Variants in ATG9A observed in about 807,000 individuals in gnomAD.
ATG9A encodes the protein autophagy related 9A.
Under a neutral mutation model 87.1 loss-of-function variants are expected in ATG9A, and 21 were observed. That is an observed-to-expected ratio of 0.24 (90% CI 0.17 to 0.35). The LOEUF is 0.35. Ranked by LOEUF, ATG9A falls within the 10% of genes least tolerant of loss-of-function variation. ATG9A has a pLI of 1.00. For missense variants in ATG9A, 836 were observed against 1,107.3 expected (o/e 0.76, Z 3.48); for synonymous variants, 422 against 441.3 (o/e 0.96, Z 0.55).
In ATG9A at chr2:219,225,120, C is replaced by T. The variant is rs1950835459; in HGVS notation, c.467G>A (p.Cys156Tyr). The part of the protein sequence containing the change: ...RLIKFIYNIC[C>Y]YWEIHSFYLH... ...GTAGAAGGAGTGGATCTCCCAGTAG[C>T]AGCAAATGTTATAGATGAACTTGAT... Residue 156 changes from cysteine to tyrosine, a missense_variant, in exon 7 of 16, where the codon TGC (cysteine) becomes TAC (tyrosine). By Grantham distance (194) the Cys-to-Tyr change is radical. Transcript: ENST00000361242. The T allele has an allele frequency of 1.2e-6, 2 of 1,614,036 alleles. No individual in the cohort carries two copies. Among genetic ancestry groups the T allele is most frequent in the Non-Finnish European group, 1.7e-6 (2 of 1,180,036 alleles).
rs767043955 is a variant in ATG9A at position 219,224,493 on chromosome 2, A to G, written c.878T>C (p.Ile293Thr). ...GCACAGCAGGAAGTTAGCGATGCCA[A>G]TCCACAGGATGCGGTTGCTGAGGCG... is the stretch of plus-strand genomic sequence containing the variant. The part of the protein sequence containing the change: ...AQRLSNRILW[I>T]GIANFLLCPL... Residue 293 changes from isoleucine to threonine, a missense_variant, in exon 8 of 16, where the codon ATT (isoleucine) becomes ACT (threonine). Ile to Thr is a moderately conservative substitution (Grantham distance 89). Coordinates refer to ENST00000361242, the MANE Select transcript of ATG9A (RefSeq NM_001077198.3). The surrounding 1 kb of genome is among the most constrained non-coding windows in gnomAD (Gnocchi z 7.7). 4 of 1,614,114 alleles carry G rather than the reference A, an allele frequency of 2.5e-6. No individual in the cohort carries two copies. Among genetic ancestry groups the G allele is most frequent in the East Asian group, 4.5e-5 (2 of 44,880 alleles).
Position 219,222,617 on chromosome 2 carries a change from C to T in ATG9A, c.1848+28G>A, listed in dbSNP as rs747070610. On this transcript the variant is annotated intron_variant, in intron 11 of 15. Transcript: ENST00000361242. This position sits in a 1 kb window ranked among gnomAD's most constrained non-coding sequence, Gnocchi z 4.3. ...CCCAGCTCCTGAAGTCCACTCTGCC[C>T]ATCATCTCCCAGTCACCAGGAACAC... The T allele has an allele frequency of 1.1e-5, 18 of 1,611,410 alleles. No individual in the cohort carries two copies. The highest frequency in any genetic ancestry group is 1.4e-5 in the Non-Finnish European group (16 of 1,177,804).
In ATG9A at chr2:219,222,024, A is replaced by G; in HGVS notation, c.2145+26T>C. 3 of 1,599,740 alleles carry G rather than the reference A, an allele frequency of 1.9e-6. No homozygotes were observed. The highest frequency in any genetic ancestry group is 2.6e-6 in the Non-Finnish European group (3 of 1,169,972). On this transcript the variant is annotated intron_variant, in intron 13 of 15. Transcript: ENST00000361242. This position sits in a 1 kb window ranked among gnomAD's most constrained non-coding sequence, Gnocchi z 4.3. ...TTGCTTCTCCGCATCTAAACCCTCT[A>G]CTCTCTTTTTTAGCTGTGCACTCAC...
rs372960557 is a variant in ATG9A, at chr2:219,224,123, G to A, written c.1248C>T (p.Val416=). The change falls in exon 8 of 16, where the codon GTC becomes GTT. Residue 416 remains valine, a synonymous_variant. Coordinates refer to ENST00000361242, the MANE Select transcript of ATG9A (RefSeq NM_001077198.3). This position sits in a 1 kb window ranked among gnomAD's most constrained non-coding sequence, Gnocchi z 7.7. ...HVLTTVTLLG[V]TVTVCRSFIP... is the part of the protein sequence containing the mutation. ...TGGCCCACCTGCACACGGTCACGGT[G>A]ACCCCCAGGAGTGTGACGGTGGTCA... 2 of 1,613,386 alleles carry A rather than the reference G, an allele frequency of 1.2e-6. No individual in the cohort carries two copies. Among genetic ancestry groups the A allele is most frequent in the Non-Finnish European group, 1.7e-6 (2 of 1,179,628 alleles).
intron 13 of ATG9A, among the ~76,000 whole-genome samples, chr2:219,221,814 G>A (rs1291799115): frequency 1.3e-5 from 2 of 152,136 alleles, no homozygotes; most frequent in Admixed American, 1.3e-4. Context: ...CAGCTGCAGA[G>A]ACCCAAGAAG....
intron 4 of ATG9A, among the ~76,000 whole-genome samples, chr2:219,227,524 A>G (rs1434002186): frequency 1.3e-5 from 2 of 152,144 alleles, no homozygotes; most frequent in Admixed American, 6.5e-5. Flanking sequence ...ACAAAAAAAA[A>G]AGGAGGCTCA....
chr2:219,223,222 G>A lies in ATG9A; in HGVS notation c.1600-329C>T, dbSNP rs562719030. On this transcript the variant is annotated intron_variant, in intron 10 of 15. Transcript: ENST00000361242. This position sits in a 1 kb window ranked among gnomAD's most constrained non-coding sequence, Gnocchi z 4.7. Reference sequence around the variant, plus strand: ...CCTGCCTCAGCCTCCCGAGTAGCTGGGACTACAGGCGCCCGCTACCACGCC... The same window carrying A: ...CCTGCCTCAGCCTCCCGAGTAGCTGAGACTACAGGCGCCCGCTACCACGCC... 6.6e-5 allele frequency among the ~76,000 whole-genome samples: 10 copies of A among 152,002 alleles called. No individual in the cohort carries two copies. The highest frequency in any genetic ancestry group is 1.2e-4 in the Non-Finnish European group (8 of 68,010).
rs948382997 is a variant in ATG9A at position 219,222,043 on chromosome 2, C to T, written c.2145+7G>A. 3.1e-6 allele frequency: 5 copies of T among 1,611,348 alleles called. No individual in the cohort carries two copies. Among genetic ancestry groups the T allele is most frequent in the Non-Finnish European group, 4.2e-6 (5 of 1,178,348 alleles). Reference sequence around the variant, plus strand: ...CCCTCTACTCTCTTTTTTAGCTGTGCACTCACCTGGTGCATATAGAGGGCA... The same window carrying T: ...CCCTCTACTCTCTTTTTTAGCTGTGTACTCACCTGGTGCATATAGAGGGCA... On this transcript the variant is annotated splice_region_variant and intron_variant, in intron 13 of 15. Transcript: ENST00000361242. This position sits in a 1 kb window ranked among gnomAD's most constrained non-coding sequence, Gnocchi z 4.3.
In ATG9A at chr2:219,220,263, A is replaced by T. The variant is rs190572698; in HGVS notation, c.*184T>A. ...CGTGTGCCCTCGGTTCCTAGGCCCCAAATTCCTCTCCTGGGGCTGTGGCAA... is the reference window on the plus strand; with the variant it reads ...CGTGTGCCCTCGGTTCCTAGGCCCCTAATTCCTCTCCTGGGGCTGTGGCAA... On this transcript the variant is annotated 3_prime_UTR_variant, in exon 16 of 16. Coordinates refer to ENST00000361242, the MANE Select transcript of ATG9A (RefSeq NM_001077198.3). 1.5e-4 allele frequency: 110 copies of T among 734,782 alleles called. No homozygotes were observed. The Admixed American group carries it at 3.0e-3, about 20-fold the overall frequency. 45.5% of individuals were successfully genotyped at this position (734,782 alleles called of 1,614,324 possible). A position where few individuals can be genotyped will look rare whatever the true frequency, so the allele number is the denominator to read the frequency against.
Position 219,222,074 on chromosome 2 carries a change from G to A in ATG9A, c.2121C>T (p.Ser707=), listed in dbSNP as rs747567905. ...VLSEYASTEM[S]LHALYMHQLH... is the part of the protein sequence containing the mutation. ...CCTGGTGCATATAGAGGGCATGCAG[G>A]CTCATCTCTGTGGATGCATATTCTG... Residue 707 remains serine, a synonymous_variant, in exon 13 of 16, where the codon AGC becomes AGT. Transcript: ENST00000361242. The surrounding 1 kb of genome is among the most constrained non-coding windows in gnomAD (Gnocchi z 4.3). 6.2e-7 allele frequency: 1 copy of A among 1,614,008 alleles called. No homozygotes were observed. The highest frequency in any genetic ancestry group is 8.5e-7 in the Non-Finnish European group (1 of 1,180,010).
At position 219,224,969 on chromosome 2, in the gene ATG9A, G is replaced by A. The variant is rs1267373837; in HGVS notation, c.516+102C>T. ...GTTGTGAGCTTAAGAGACAGTTCCT[G>A]ATTTGTCAATGACAGATAAGGATAA... On this transcript the variant is annotated intron_variant, in intron 7 of 15. Transcript: ENST00000361242. The surrounding 1 kb of genome is among the most constrained non-coding windows in gnomAD (Gnocchi z 7.7). 31 of 1,572,146 alleles carry A rather than the reference G, an allele frequency of 2.0e-5. No individual in the cohort carries two copies. Among genetic ancestry groups the A allele is most frequent in the Non-Finnish European group, 2.7e-5 (31 of 1,149,046 alleles).
Position 219,222,904 on chromosome 2 carries a change from A to C in ATG9A, c.1600-11T>G, listed in dbSNP as rs747957053. The C allele has an allele frequency of 6.2e-7, 1 of 1,613,778 alleles. No homozygotes were observed. The highest frequency in any genetic ancestry group is 1.3e-5 in the African/African-American group (1 of 75,016). On this transcript the variant is annotated splice_polypyrimidine_tract_variant and intron_variant, in intron 10 of 15. Transcript: ENST00000361242. This position sits in a 1 kb window ranked among gnomAD's most constrained non-coding sequence, Gnocchi z 4.3. Reference sequence around the variant, plus strand: ...CCCAGCAGATAGCCACTGCACAAGGAAGAGCAGAGTAAGCAGGGCTGTTCT... The same window carrying C: ...CCCAGCAGATAGCCACTGCACAAGGCAGAGCAGAGTAAGCAGGGCTGTTCT...
chr2:219,226,709 G>A (rs866877065), intron 5 of ATG9A, among the ~76,000 whole-genome samples, 160 bp downstream of exon 5: 3 of 152,112 alleles, frequency 2.0e-5, no homozygotes, highest in Non-Finnish European at 4.4e-5. Flanking sequence ...AGGTGAAGCT[G>A]TAAGTTTTGG....
rs1950872331 is a variant in ATG9A, at chr2:219,226,906, A to G, written c.175T>C (p.Phe59Leu). The change falls in exon 5 of 16, where the codon TTC becomes CTC. Residue 59 changes from phenylalanine (F) to leucine (L), a missense_variant. This residue lies in a region of ATG9A where 512 missense variants were observed against 759.6 expected (regional missense o/e 0.67). Transcript: ENST00000361242. ...ATCTCCCCGATGAGCATACATGTGA[A>G]GCCATTCTTCTGGTGCAGATTATAA... ...RVYNLHQKNG[F>L]TCMLIGEIFE... 2 of 1,613,854 alleles carry G rather than the reference A, an allele frequency of 1.2e-6. No individual in the cohort carries two copies. Among genetic ancestry groups the G allele is most frequent in the Non-Finnish European group, 8.5e-7 (1 of 1,179,684 alleles).
At chr2:219,227,725 G>A (rs752837607) in intron 4 of ATG9A, 45 bp downstream of exon 4, 53 of 1,602,770 alleles carry the variant, frequency 3.3e-5, no homozygotes, top group Non-Finnish European at 4.2e-5. Context: ...GGCTTAGAGA[G>A]ACATTAAAGG....
chr2:219,223,719 T>C lies in ATG9A; in HGVS notation c.1465A>G (p.Ile489Val). ...ELLSPIVTPL[I>V]LIFCLRPRAL... The stretch of plus-strand genomic sequence containing the variant: ...CGTGGGCGCAGGCAGAAGATGAGGA[T>C]GAGGGGTGTGACAATGGGGCTCAGC... The change falls in exon 10 of 16, where the codon ATC (isoleucine) becomes GTC (valine). Residue 489 changes from isoleucine to valine, a missense_variant. By Grantham distance (29) the Ile-to-Val change is conservative. This residue lies in a region of ATG9A where 512 missense variants were observed against 759.6 expected (regional missense o/e 0.67). Coordinates refer to ENST00000361242, the MANE Select transcript of ATG9A (RefSeq NM_001077198.3). This position sits in a 1 kb window ranked among gnomAD's most constrained non-coding sequence, Gnocchi z 4.7. 6.2e-7 allele frequency: 1 copy of C among 1,613,302 alleles called. No individual in the cohort carries two copies. Among genetic ancestry groups the C allele is most frequent in the Non-Finnish European group, 8.5e-7 (1 of 1,179,806 alleles).
In ATG9A at chr2:219,229,345, G is replaced by T. The variant is rs1950952111; in HGVS notation, c.-82+190C>A. ...CCCAACAGCGGACAACCTCGCGCGC[G>T]GCCCCGGCGCCCGCGCGCGCCCCCG... On this transcript the variant is annotated intron_variant, in intron 1 of 15. Transcript: ENST00000361242. The surrounding 1 kb of genome is among the most constrained non-coding windows in gnomAD (Gnocchi z 4.2). 1 of 151,548 alleles carries T rather than the reference G, an allele frequency of 6.6e-6. No homozygotes were observed. Among genetic ancestry groups the T allele is most frequent in the Non-Finnish European group, 1.5e-5 (1 of 67,792 alleles). 9.4% of individuals were successfully genotyped at this position (151,548 alleles called of 1,614,324 possible).
At chr2:219,220,514 C>T in intron 15 of ATG9A, 62 bp from the exon 16 acceptor site, 3 of 1,600,438 alleles carry the variant, frequency 1.9e-6, no homozygotes, top group East Asian at 2.2e-5. Context: ...ACCTGCTAGC[C>T]CCATAGAAAC....
Position 219,220,124 on chromosome 2 carries a change from C to A in ATG9A, c.*323G>T, listed in dbSNP as rs960783502. On this transcript the variant is annotated 3_prime_UTR_variant, in exon 16 of 16. Coordinates refer to ENST00000361242, the MANE Select transcript of ATG9A (RefSeq NM_001077198.3). The stretch of plus-strand genomic sequence containing the variant: ...TTGGCAGCTTCTATCGTGGGCAGCC[C>A]TCTGGGGACTTGCAGGGGTAGGTGT... 2.3e-5 allele frequency: 9 copies of A among 392,190 alleles called. No homozygotes were observed. Among genetic ancestry groups the A allele is most frequent in the Middle Eastern group, 7.0e-4 (1 of 1,436 alleles). 24.3% of individuals were successfully genotyped at this position (392,190 alleles called of 1,614,324 possible).
Sources: gnomAD v4.1 joint callset for allele counts (sites outside exome capture counted in the v4.1 genomes callset) on GRCh38, gnomAD v4.1.1 for gene constraint, gnomAD v4.1.1 regional missense constraint, Gnocchi (gnomAD v3.1) non-coding constraint, MANE v1.5 for transcripts, NCBI Gene and HGNC (gene_info 2026-07-23, HGNC 2026-07-21) for gene names.